Variants in CRPPA observed in about 807,000 individuals in gnomAD.
CRPPA encodes the protein CDP-L-ribitol pyrophosphorylase A, also known as D-ribitol-5-phosphate cytidylyltransferase.
CRPPA carries 43 observed loss-of-function variants against 52.0 expected under a neutral mutation model. The ratio of observed to expected loss-of-function variants is 0.83; its 90% CI spans 0.65 to 1.07. The LOEUF (loss-of-function observed/expected upper bound fraction) is 1.07, where lower values mean the gene tolerates loss of function less well. Ranked by LOEUF, CRPPA falls within the 50% of genes least tolerant of loss-of-function variation. The probability of loss-of-function intolerance (pLI) is 0.00; values close to 1 mark genes in which losing one functional copy is unlikely to be tolerated. For missense variants in CRPPA, 629 were observed against 551.7 expected (o/e 1.14, Z -1.40); for synonymous variants, 250 against 203.5 (o/e 1.23, Z -1.94).
At chr7:16,268,341 A>C (rs1355567630) in intron 6 of CRPPA, among the ~76,000 whole-genome samples, 2 of 152,176 alleles carry the variant, frequency 1.3e-5, no homozygotes, top group Non-Finnish European at 2.9e-5. Context: ...TTCACATGTA[A>C]TCCCAAGAAA....
intron 2 of CRPPA, among the ~76,000 whole-genome samples, chr7:16,396,718 T>C (rs1040927116): frequency 2.6e-5 from 4 of 152,238 alleles, no homozygotes; most frequent in Middle Eastern, 3.2e-3. Flanking sequence ...TTGTGATGTA[T>C]GTGTGATGGA....
At chr7:16,216,955 T>G in intron 8 of CRPPA, among the ~76,000 whole-genome samples, 1 of 152,052 alleles carries the variant, frequency 6.6e-6, no homozygotes, top group Non-Finnish European at 1.5e-5. Flanking sequence ...CAAGGAGGCC[T>G]GCCTGCCTCT....
chr7:16,247,139 CT>C, intron 8 of CRPPA, among the ~76,000 whole-genome samples: 1 of 152,224 alleles, frequency 6.6e-6, no homozygotes, highest in East Asian at 1.9e-4. Flanking sequence ...TGACCTTGCA[CT>C]TTTCTGTTAT....
chr7:16,241,348 C>T (rs963953287), intron 8 of CRPPA, among the ~76,000 whole-genome samples: 1 of 151,886 alleles, frequency 6.6e-6, no homozygotes, highest in African/African-American at 2.4e-5. Context: ...TAAAATTCCC[C>T]CTGGTAATTT....
intron 5 of CRPPA, among the ~76,000 whole-genome samples, chr7:16,293,720 A>C (rs538270473): frequency 6.6e-6 from 1 of 152,042 alleles, no homozygotes; most frequent in Non-Finnish European, 1.5e-5. Context: ...AAGCTAACTG[A>C]GCATGTTTCA....
intron 5 of CRPPA, among the ~76,000 whole-genome samples, chr7:16,293,391 C>T (rs980561813): frequency 1.4e-4 from 22 of 151,974 alleles, no homozygotes; most frequent in African/African-American, 5.3e-4. Context: ...CTATTGCATT[C>T]TTTGAATCAA....
At chr7:16,107,650 T>C (rs1489402927) in intron 9 of CRPPA, among the ~76,000 whole-genome samples, 1 of 152,064 alleles carries the variant, frequency 6.6e-6, no homozygotes, top group East Asian at 1.9e-4. Flanking sequence ...AAGCTGTTAA[T>C]TAATAATATG....
At chr7:16,207,317 G>C (rs1781996981) in intron 9 of CRPPA, among the ~76,000 whole-genome samples, 1 of 152,142 alleles carries the variant, frequency 6.6e-6, no homozygotes, top group South Asian at 2.1e-4. Flanking sequence ...ATGTTTCAAA[G>C]CATTCAGTCT....
intron 3 of CRPPA, among the ~76,000 whole-genome samples, chr7:16,334,675 C>G (rs949189581): frequency 2.0e-5 from 3 of 152,072 alleles, no homozygotes; most frequent in African/African-American, 7.2e-5. Context: ...CCTCAACTGA[C>G]GACAAAGTTG....
At position 16,087,809 on chromosome 7, in the gene CRPPA, C is replaced by G. The variant is rs1489665325; in HGVS notation, c.*3886G>C. 1 of 152,102 alleles carries G rather than the reference C, an allele frequency of 6.6e-6. No individual in the cohort carries two copies. The highest frequency in any genetic ancestry group is 6.5e-5 in the Admixed American group (1 of 15,270). 9.4% of individuals were successfully genotyped at this position (152,102 alleles called of 1,614,324 possible). A position where few individuals can be genotyped will look rare whatever the true frequency, so the allele number is the denominator to read the frequency against. The stretch of plus-strand genomic sequence containing the variant: ...AACTTTCTAAATAACTTCTATCTTT[C>G]TTCTTGCATATGGTTGACATTTTAA... On this transcript the variant is annotated 3_prime_UTR_variant, in exon 10 of 10. Coordinates refer to ENST00000407010, the MANE Select transcript of CRPPA (RefSeq NM_001101426.4).
At chr7:16,114,818 C>G (rs929220202) in intron 9 of CRPPA, among the ~76,000 whole-genome samples, 5 of 152,036 alleles carry the variant, frequency 3.3e-5, no homozygotes, top group African/African-American at 1.2e-4. Context: ...GCTACAGTGA[C>G]AGAAGAGAGC....
intron 9 of CRPPA, among the ~76,000 whole-genome samples, chr7:16,204,653 GA>G (rs1217960492): frequency 1.3e-5 from 2 of 152,134 alleles, no homozygotes; most frequent in Non-Finnish European, 2.9e-5. Flanking sequence ...AGAAGGCACA[GA>G]GTCAGCAATC....
chr7:16,286,684 G>C (rs558182045), intron 5 of CRPPA, among the ~76,000 whole-genome samples: 9 of 152,232 alleles, frequency 5.9e-5, no homozygotes, highest in African/African-American at 2.2e-4. Flanking sequence ...GAGTTGGCTA[G>C]GAAAAGGAAT....
At chr7:16,348,223 G>C (rs12673171) in intron 3 of CRPPA, among the ~76,000 whole-genome samples, 35,736 of 152,076 alleles carry the variant, frequency 0.23, 4,767 homozygotes, top group South Asian at 0.49. Context: ...AAAAGAATTT[G>C]TCTGTCCATT....
intron 9 of CRPPA, among the ~76,000 whole-genome samples, chr7:16,209,460 C>T (rs1319552202): frequency 2.6e-5 from 4 of 151,686 alleles, no homozygotes; most frequent in South Asian, 4.2e-4. Flanking sequence ...TTAGTAGAGA[C>T]GGGGTTTCAC....
At chr7:16,182,046 G>T (rs993077769) in intron 9 of CRPPA, among the ~76,000 whole-genome samples, 1 of 151,768 alleles carries the variant, frequency 6.6e-6, no homozygotes, top group African/African-American at 2.4e-5. Flanking sequence ...TGCTAGAAAG[G>T]TTAGTAAATA....
At position 16,089,031 on chromosome 7, in the gene CRPPA, AC is replaced by A. The variant is rs1781758306; in HGVS notation, c.*2663del. 1 of 224,050 alleles carries A rather than the reference AC, an allele frequency of 4.5e-6. No individual in the cohort carries two copies. Among genetic ancestry groups the A allele is most frequent in the Non-Finnish European group, 9.8e-6 (1 of 101,902 alleles). 13.9% of individuals were successfully genotyped at this position (224,050 alleles called of 1,614,324 possible). A position where few individuals can be genotyped will look rare whatever the true frequency, so the allele number is the denominator to read the frequency against. ...TCAGTCTTCCTTATTTTAAGCCCAA[AC>A]TTTTGTTACTATTCAGTCACATGAT... is the stretch of plus-strand genomic sequence containing the variant. On this transcript the variant is annotated 3_prime_UTR_variant, in exon 10 of 10. Transcript: ENST00000407010.
At chr7:16,176,473 T>C (rs1337771396) in intron 9 of CRPPA, among the ~76,000 whole-genome samples, 1 of 152,064 alleles carries the variant, frequency 6.6e-6, no homozygotes, top group Non-Finnish European at 1.5e-5. Context: ...CCACATGAGG[T>C]ACCATTACAC....
At chr7:16,413,299 G>A (rs1288712113) in intron 1 of CRPPA, among the ~76,000 whole-genome samples, 1 of 152,178 alleles carries the variant, frequency 6.6e-6, no homozygotes, top group Non-Finnish European at 1.5e-5. Flanking sequence ...ACCTGCCTTA[G>A]ACTTACCACT....
Sources: gnomAD v4.1 joint callset for allele counts (sites outside exome capture counted in the v4.1 genomes callset) on GRCh38, gnomAD v4.1.1 for gene constraint, MANE v1.5 for transcripts, NCBI Gene and HGNC (gene_info 2026-07-23, HGNC 2026-07-21) for gene names.